The following AK1 variants were observed in gnomAD, a reference collection of about 807,000 sequenced individuals.
AK1 encodes adenylate kinase 1.
Under a neutral mutation model 23.9 loss-of-function variants are expected in AK1, and 13 were observed. The ratio of observed to expected loss-of-function variants is 0.54; its 90% CI spans 0.35 to 0.86. The LOEUF is 0.86. AK1 is among the 40% of genes least tolerant of loss of function. AK1 has a pLI of 0.01. For synonymous variants in AK1, 97 were observed against 102.8 expected, an observed-to-expected ratio of 0.94 and a Z score of 0.34; for missense variants, 214 against 255.1, an observed-to-expected ratio of 0.84 and a Z score of 1.10.
In AK1 at chr9:127,868,111, A is replaced by G; in HGVS notation, c.517-35T>C. ...GATGGGCCGTGAGGGCTGAGTCACC[A>G]GGTGGAGTGGGGTGGGCCTCACCAT... On this transcript the variant is annotated intron_variant, in intron 6 of 6. Transcript: ENST00000644144. This position sits in a 1 kb window ranked among gnomAD's most constrained non-coding sequence, Gnocchi z 4.1. 1 of 1,610,774 alleles carries G rather than the reference A, an allele frequency of 6.2e-7. No homozygotes were observed. Among genetic ancestry groups the G allele is most frequent in the Non-Finnish European group, 8.5e-7 (1 of 1,177,082 alleles).
chr9:127,869,868 C>T (rs972183193), intron 5 of AK1, among the ~76,000 whole-genome samples: 1 of 152,232 alleles, frequency 6.6e-6, no homozygotes, highest in African/African-American at 2.4e-5. Flanking sequence ...AGGCTCTTTA[C>T]ACACACCCAG....
chr9:127,872,465 G>A (rs2131403458), intron 4 of AK1, among the ~76,000 whole-genome samples: 1 of 152,158 alleles, frequency 6.6e-6, no homozygotes, highest in East Asian at 1.9e-4. Flanking sequence ...GGTGGCTGAA[G>A]GATGGAGGGA....
Position 127,867,926 on chromosome 9 carries a change from G to T in AK1, c.*82C>A. On this transcript the variant is annotated 3_prime_UTR_variant, in exon 7 of 7. Coordinates refer to ENST00000644144, the MANE Select transcript of AK1 (RefSeq NM_000476.3). ...TCTGTGCTCAGCAGGGCAGGGTGGA[G>T]GCGCTGCGCTCAGGCCAGGAGGACC... is the stretch of plus-strand genomic sequence containing the variant. The T allele has an allele frequency of 7.3e-7, 1 of 1,375,758 alleles. No homozygotes were observed. The highest frequency in any genetic ancestry group is 1.2e-5 in the South Asian group (1 of 86,090). 85.2% of individuals were successfully genotyped at this position (1,375,758 alleles called of 1,614,324 possible).
In AK1 at chr9:127,871,106, G is replaced by C. The variant is rs891853978; in HGVS notation, c.324+717C>G. On this transcript the variant is annotated intron_variant, in intron 5 of 6. Coordinates refer to ENST00000644144, the MANE Select transcript of AK1 (RefSeq NM_000476.3). This position sits in a 1 kb window ranked among gnomAD's most constrained non-coding sequence, Gnocchi z 4.4. The stretch of plus-strand genomic sequence containing the variant: ...TGTGTGCATGTGTGCACATGCCCCT[G>C]GCCTTGTGTGTATGAACTTGTGGGG... Among the ~76,000 whole-genome samples the C allele has an allele frequency of 6.6e-6, 1 of 151,794 alleles. No homozygotes were observed. Among genetic ancestry groups the C allele is most frequent in the Non-Finnish European group, 1.5e-5 (1 of 68,048 alleles).
chr9:127,877,379 G>A lies in AK1; in HGVS notation c.-33+244C>T, dbSNP rs560644275. 6.6e-6 allele frequency among the ~76,000 whole-genome samples: 1 copy of A among 152,244 alleles called. No individual in the cohort carries two copies. Among genetic ancestry groups the A allele is most frequent in the East Asian group, 1.9e-4 (1 of 5,192 alleles). ...GGGGTGACTATCTCGGAGGCTGGAAGGGGCTGCAACACACACAAACACACA... is the reference window on the plus strand; with the variant it reads ...GGGGTGACTATCTCGGAGGCTGGAAAGGGCTGCAACACACACAAACACACA... On this transcript the variant is annotated intron_variant, in intron 1 of 6. Coordinates refer to ENST00000644144, the MANE Select transcript of AK1 (RefSeq NM_000476.3). The surrounding 1 kb of genome is among the most constrained non-coding windows in gnomAD (Gnocchi z 5.2).
chr9:127,870,558 G>C (rs905582041), intron 5 of AK1, among the ~76,000 whole-genome samples: 1 of 152,176 alleles, frequency 6.6e-6, no homozygotes, highest in Non-Finnish European at 1.5e-5. Context: ...GTACCACACA[G>C]CTGGTATGTG....
intron 2 of AK1, 194 bp from the exon 3 acceptor site, chr9:127,873,255 G>T: frequency 6.5e-7 from 1 of 1,535,046 alleles, no homozygotes; most frequent in South Asian, 1.2e-5. Flanking sequence ...GGAGAGGTCA[G>T]GGAAGAGAGG....
intron 4 of AK1, 114 bp from the exon 5 acceptor site, chr9:127,872,053 C>T (rs755873143): frequency 4.6e-5 from 40 of 866,762 alleles, no homozygotes; most frequent in Non-Finnish European, 7.1e-5. Flanking sequence ...ACACAAATGT[C>T]CCAAACAAGC....
At chr9:127,875,338 G>A (rs144799475) in intron 1 of AK1, among the ~76,000 whole-genome samples, 62 of 144,602 alleles carry the variant, frequency 4.3e-4, no homozygotes, top group Non-Finnish European at 8.1e-4. Context: ...GCCTGCCCAT[G>A]AGCCCAATCA....
rs763437490 is a variant in AK1 at position 127,872,611 on chromosome 9, C to G, written c.207+79G>C. On this transcript the variant is annotated intron_variant, in intron 4 of 6. Transcript: ENST00000644144. Reference sequence around the variant, plus strand: ...GTTACGGTCAGCTTTGCCTGTGTGCCGTGGGCTTTGCTGCTGGTGGGACAC... The same window carrying G: ...GTTACGGTCAGCTTTGCCTGTGTGCGGTGGGCTTTGCTGCTGGTGGGACAC... 7.6e-6 allele frequency: 12 copies of G among 1,588,766 alleles called. No homozygotes were observed. In the Admixed American group the frequency reaches 1.8e-4, roughly 24 times the overall value.
Position 127,866,605 on chromosome 9 carries a change from T to TC in AK1, c.*1402dup, listed in dbSNP as rs545952308. ...TCGGATTTCATTCGGGCAGGCGGGG[T>TC]CCACAAGAGGCTCTCTTGGCTTAAA... On this transcript the variant is annotated 3_prime_UTR_variant, in exon 7 of 7. Coordinates refer to ENST00000644144, the MANE Select transcript of AK1 (RefSeq NM_000476.3). The TC allele has an allele frequency of 4.5e-4, 69 of 152,198 alleles. No homozygotes were observed. The highest frequency in any genetic ancestry group is 1.5e-3 in the African/African-American group (61 of 41,508). 9.4% of individuals were successfully genotyped at this position (152,198 alleles called of 1,614,324 possible).
In AK1 at chr9:127,868,694, C is replaced by G. The variant is rs920304871; in HGVS notation, c.325-182G>C. Among the ~76,000 whole-genome samples, 2 of 152,188 alleles carry G rather than the reference C, an allele frequency of 1.3e-5. No individual in the cohort carries two copies. Among genetic ancestry groups the G allele is most frequent in the Non-Finnish European group, 2.9e-5 (2 of 68,030 alleles). ...TGCCACTCCCCTGCTCAAACCTACA[C>G]CATGGCTCCCCAGTGCCCTCAGGAG... is the stretch of plus-strand genomic sequence containing the variant. On this transcript the variant is annotated intron_variant, in intron 5 of 6. Transcript: ENST00000644144. The surrounding 1 kb of genome is among the most constrained non-coding windows in gnomAD (Gnocchi z 4.1).
At chr9:127,879,163 T>G (rs1433908890), upstream of AK1, among the ~76,000 whole-genome samples, 2 of 151,914 alleles carry the variant, frequency 1.3e-5, no homozygotes, top group African/African-American at 4.8e-5. Context: ...GGGCACAAAT[T>G]TGCATAGGAA....
Position 127,877,249 on chromosome 9 carries a change from G to C in AK1, c.-33+374C>G, listed in dbSNP as rs1355773778. Among the ~76,000 whole-genome samples the C allele has an allele frequency of 6.6e-6, 1 of 152,066 alleles. No individual in the cohort carries two copies. The highest frequency in any genetic ancestry group is 1.5e-5 in the Non-Finnish European group (1 of 68,000). ...GAGCACAGAGGCTGCCCCTGTCCAG[G>C]TCCTCTGGGGCAGGGAGCCAGGCCA... On this transcript the variant is annotated intron_variant, in intron 1 of 6. Transcript: ENST00000644144. This position sits in a 1 kb window ranked among gnomAD's most constrained non-coding sequence, Gnocchi z 5.2.
intron 1 of AK1, chr9:127,875,092 G>A: frequency 4.1e-6 from 1 of 242,350 alleles, no homozygotes. Context: ...GGAGGTGGGA[G>A]GTGGCCAGGA....
In AK1 at chr9:127,871,445, C is replaced by T. The variant is rs1034280680; in HGVS notation, c.324+378G>A. 6.6e-6 allele frequency among the ~76,000 whole-genome samples: 1 copy of T among 151,470 alleles called. No homozygotes were observed. Among genetic ancestry groups the T allele is most frequent in the African/African-American group, 2.5e-5 (1 of 40,766 alleles). On this transcript the variant is annotated intron_variant, in intron 5 of 6. Coordinates refer to ENST00000644144, the MANE Select transcript of AK1 (RefSeq NM_000476.3). The surrounding 1 kb of genome is among the most constrained non-coding windows in gnomAD (Gnocchi z 4.4). ...TCTGTGTGTTTATAGGGAGCCAAGGCCCACACTGGAAGGGCACATCCTCTC... is the reference window on the plus strand; with the variant it reads ...TCTGTGTGTTTATAGGGAGCCAAGGTCCACACTGGAAGGGCACATCCTCTC...
chr9:127,873,658 C>T (rs968463), intron 2 of AK1: 864,559 of 1,370,238 alleles, frequency 0.63, 276,648 homozygotes, highest in East Asian at 0.82. Flanking sequence ...TGTCTCGTCC[C>T]GCCTGCTGTT....
chr9:127,873,323 AC>A, intron 2 of AK1: 1 of 1,538,656 alleles, frequency 6.5e-7, no homozygotes, highest in Non-Finnish European at 8.7e-7. Context: ...TACTCTCCAC[AC>A]AGCCAGCGGG....
intron 1 of AK1, 98 bp from the exon 2 acceptor site, chr9:127,874,747 C>T (rs1011150019): frequency 1.9e-5 from 23 of 1,228,088 alleles, no homozygotes; most frequent in Middle Eastern, 1.9e-4. Context: ...GTGCCAGGCC[C>T]GACATGCAGT....
Sources: gnomAD v4.1 joint callset for allele counts (sites outside exome capture counted in the v4.1 genomes callset) on GRCh38, gnomAD v4.1.1 for gene constraint, Gnocchi (gnomAD v3.1) non-coding constraint, MANE v1.5 for transcripts, NCBI Gene and HGNC (gene_info 2026-07-23, HGNC 2026-07-21) for gene names.